The following KIT variants were observed in gnomAD, a reference collection of about 807,000 sequenced individuals.
KIT encodes KIT proto-oncogene, receptor tyrosine kinase, also known as mast/stem cell growth factor receptor Kit.
In KIT, 16 loss-of-function variants were observed where a neutral mutation model predicts 105.7. The ratio of observed to expected loss-of-function variants is 0.15; its 90% CI spans 0.10 to 0.23. The LOEUF (loss-of-function observed/expected upper bound fraction) is 0.23. KIT is among the 10% of genes least tolerant of loss of function. The pLI, the probability that KIT is intolerant of heterozygous loss-of-function variation, is 1.00. For synonymous variants in KIT, 438 were observed against 441.1 expected (o/e 0.99, Z 0.09); for missense variants, 858 against 1,213.8 (o/e 0.71, Z 4.36).
At position 54,739,661 on chromosome 4, in the gene KIT, T is replaced by C. The variant is rs905250276; in HGVS notation, c.*1104T>C. ...TGGACACCGGGCCAGTATCTATATA[T>C]GTGTATGTACGTTTGTATGTGTGTA... is the stretch of plus-strand genomic sequence containing the variant. On this transcript the variant is annotated 3_prime_UTR_variant, in exon 21 of 21. Coordinates refer to ENST00000288135, the MANE Select transcript of KIT (RefSeq NM_000222.3). 3 of 233,504 alleles carry C rather than the reference T, an allele frequency of 1.3e-5. No individual in the cohort carries two copies. Among genetic ancestry groups the C allele is most frequent in the African/African-American group, 2.2e-5 (1 of 45,358 alleles). The allele number at this position is 233,504 out of a possible 1,614,324, so 14.5% of individuals were successfully genotyped here.
Position 54,737,177 on chromosome 4 carries a change from A to T in KIT, c.2699A>T (p.Tyr900Phe), listed in dbSNP as rs1578008242. The change falls in exon 20 of 21, where the codon TAT becomes TTT. Residue 900 changes from tyrosine to phenylalanine, a missense_variant and splice_region_variant. Transcript: ENST00000288135. Reference sequence around the variant, plus strand: ...AGTAAATGGCCCTTGTCTTGCAGGTATGACATAATGAAGACTTGCTGGGAT... The same window carrying T: ...AGTAAATGGCCCTTGTCTTGCAGGTTTGACATAATGAAGACTTGCTGGGAT... ...LSPEHAPAEM[Y>F]DIMKTCWDAD... is the part of the protein sequence containing the mutation. 1.2e-6 allele frequency: 2 copies of T among 1,606,576 alleles called. No individual in the cohort carries two copies. The highest frequency in any genetic ancestry group is 8.5e-7 in the Non-Finnish European group (1 of 1,173,138).
rs201222895 is a variant in KIT at position 54,698,430 on chromosome 4, T to G, written c.484T>G (p.Phe162Val). 1 of 1,614,072 alleles carries G rather than the reference T, an allele frequency of 6.2e-7. No individual in the cohort carries two copies. The highest frequency in any genetic ancestry group is 8.5e-7 in the Non-Finnish European group (1 of 1,180,010). ...QGKPLPKDLR[F>V]IPDPKAGIMI... Reference sequence around the variant, plus strand: ...GAAGCCTCTTCCCAAGGACTTGAGGTTTATTCCTGACCCCAAGGCGGGCAT... The same window carrying G: ...GAAGCCTCTTCCCAAGGACTTGAGGGTTATTCCTGACCCCAAGGCGGGCAT... The change falls in exon 3 of 21, where the codon TTT (phenylalanine) becomes GTT (valine). Residue 162 changes from phenylalanine (F) to valine (V), a missense_variant. Coordinates refer to ENST00000288135, the MANE Select transcript of KIT (RefSeq NM_000222.3).
rs1337728959 is a variant in KIT, at chr4:54,729,500, CATAA to C, written c.2141+19_2141+22del. On this transcript the variant is annotated intron_variant, in intron 14 of 20. Transcript: ENST00000288135. ...GAGTCTTCCTGGTAAGACTGATTTA[CATAA>C]ATAGTTAGCTGTTGACAGGCAGTTC... 20 of 1,611,804 alleles carry C rather than the reference CATAA, an allele frequency of 1.2e-5. No individual in the cohort carries two copies. Among genetic ancestry groups the C allele is most frequent in the Non-Finnish European group, 1.6e-5 (19 of 1,179,070 alleles).
At chr4:54,725,090 T>C (rs1260846176) in intron 8 of KIT, among the ~76,000 whole-genome samples, 2 of 152,156 alleles carry the variant, frequency 1.3e-5, no homozygotes, top group East Asian at 3.9e-4. Flanking sequence ...TTTTCTGGTC[T>C]ACATCCTTGA....
intron 1 of KIT, among the ~76,000 whole-genome samples, chr4:54,671,479 G>A (rs1718106068): frequency 6.6e-6 from 1 of 152,210 alleles, no homozygotes; most frequent in Non-Finnish European, 1.5e-5. Flanking sequence ...GAAATTAGCA[G>A]CATTAGGTCT....
At chr4:54,687,943 G>A (rs993988850) in intron 1 of KIT, among the ~76,000 whole-genome samples, 2 of 152,074 alleles carry the variant, frequency 1.3e-5, no homozygotes, top group Non-Finnish European at 2.9e-5. Flanking sequence ...ATCTAGTTCT[G>A]GTTACACAGT....
chr4:54,728,270 C>T (rs1722369129), intron 13 of KIT, 149 bp downstream of exon 13: 5 of 715,618 alleles, frequency 7.0e-6, no homozygotes. Context: ...TTGTTTTCCT[C>T]ATTGTTCTTA....
At chr4:54,669,911 G>GGA (rs1717986847) in intron 1 of KIT, among the ~76,000 whole-genome samples, 1 of 152,100 alleles carries the variant, frequency 6.6e-6, no homozygotes, top group Non-Finnish European at 1.5e-5. Context: ...AGGGGCTGGG[G>GGA]GAGATGGGCA....
chr4:54,664,685 G>A (rs1165370464), intron 1 of KIT, among the ~76,000 whole-genome samples: 6 of 151,864 alleles, frequency 4.0e-5, no homozygotes, highest in Admixed American at 6.6e-5. Flanking sequence ...ATAGTTCACC[G>A]CAGCCTCCAC....
chr4:54,732,603 A>G (rs542792485), intron 16 of KIT, among the ~76,000 whole-genome samples: 2 of 152,274 alleles, frequency 1.3e-5, no homozygotes, highest in Admixed American at 1.3e-4. Context: ...CTTAAATGTC[A>G]TGGGTGACAT....
intron 15 of KIT, 33 bp downstream of exon 15, chr4:54,731,452 A>C (rs755351698): frequency 7.4e-7 from 1 of 1,360,338 alleles, no homozygotes; most frequent in East Asian, 2.3e-5. Flanking sequence ...ACCAAGAGTA[A>C]CTTTACAGAG....
rs559703338 is a variant in KIT at position 54,662,438 on chromosome 4, A to G, written c.67+4357A>G. 1.4e-4 allele frequency among the ~76,000 whole-genome samples: 21 copies of G among 152,350 alleles called. No individual in the cohort carries two copies. In the South Asian group the frequency reaches 4.3e-3, roughly 32 times the overall value. ...ATGTGTTGCTACATGTAAAACTTTT[A>G]GAGTGGTGCCTCATAGTACAGGCTC... is the stretch of plus-strand genomic sequence containing the variant. On this transcript the variant is annotated intron_variant, in intron 1 of 20. Transcript: ENST00000288135.
intron 7 of KIT, among the ~76,000 whole-genome samples, chr4:54,716,325 T>C (rs1369591694): frequency 2.0e-5 from 3 of 152,242 alleles, no homozygotes; most frequent in Non-Finnish European, 2.9e-5. Flanking sequence ...TGTGTGAACA[T>C]TTGTATGCTG....
intron 7 of KIT, among the ~76,000 whole-genome samples, chr4:54,722,137 C>T (rs978338153): frequency 8.5e-5 from 13 of 152,086 alleles, no homozygotes; most frequent in Non-Finnish European, 1.9e-4. Context: ...AGGCGCATGT[C>T]ACTGTGCCCA....
Position 54,726,048 on chromosome 4 carries a change from A to G in KIT, c.1538A>G (p.Lys513Arg), listed in dbSNP as rs772813487. ...AACTTTGCATTTAAAGGTAACAACA[A>G]AGGTATATTTCTTTTTAATCCAATT... ...YFNFAFKGNN[K>R]EQIHPHTLFT... The change falls in exon 9 of 21, where the codon AAA becomes AGA. Residue 513 changes from lysine (K) to arginine (R), a missense_variant and splice_region_variant. Coordinates refer to ENST00000288135, the MANE Select transcript of KIT (RefSeq NM_000222.3). The G allele has an allele frequency of 6.2e-7, 1 of 1,612,588 alleles. No individual in the cohort carries two copies. The highest frequency in any genetic ancestry group is 1.1e-5 in the South Asian group (1 of 91,048).
intron 1 of KIT, among the ~76,000 whole-genome samples, chr4:54,673,600 T>C (rs1282213857): frequency 6.6e-6 from 1 of 152,242 alleles, no homozygotes; most frequent in African/African-American, 2.4e-5. Flanking sequence ...TGGCTCCTTC[T>C]GAAATATTAG....
Position 54,725,861 on chromosome 4 carries a change from T to C in KIT, c.1351T>C (p.Ser451Pro), listed in dbSNP as rs145183977. The change falls in exon 9 of 21, where the codon TCT (serine) becomes CCT (proline). Residue 451 changes from serine to proline, a missense_variant. By Grantham distance (74) the Ser-to-Pro change is moderately conservative. Coordinates refer to ENST00000288135, the MANE Select transcript of KIT (RefSeq NM_000222.3). ...CTTTTGTTTTCTTCCCTTTAGATGC[T>C]CTGCTTCTGTACTGCCAGTGGATGT... ...YFCPGTEQRC[S>P]ASVLPVDVQT... is the part of the protein sequence containing the mutation. 4.2e-5 allele frequency: 68 copies of C among 1,613,980 alleles called. No homozygotes were observed. The highest frequency in any genetic ancestry group is 5.6e-5 in the Non-Finnish European group (66 of 1,179,984).
intron 7 of KIT, among the ~76,000 whole-genome samples, chr4:54,718,009 G>C (rs934678333): frequency 6.6e-6 from 1 of 152,188 alleles, no homozygotes; most frequent in Admixed American, 6.5e-5. Flanking sequence ...GTAATCTCGT[G>C]ATTGGGATAT....
intron 1 of KIT, among the ~76,000 whole-genome samples, chr4:54,676,525 A>G (rs1050427116): frequency 1.3e-5 from 2 of 152,208 alleles, no homozygotes; most frequent in African/African-American, 4.8e-5. Flanking sequence ...TAGTCCAGAC[A>G]GGAAAACAGA....
Sources: allele counts gnomAD v4.1 joint callset (sites outside exome capture counted in the v4.1 genomes callset), GRCh38; gene constraint gnomAD v4.1.1; transcripts MANE v1.5; gene names NCBI Gene and HGNC (gene_info 2026-07-23, HGNC 2026-07-21).